The following GRIN2B variants were observed in gnomAD, a reference collection of about 807,000 sequenced individuals.
GRIN2B encodes glutamate receptor ionotropic, NMDA 2B.
A neutral mutation model predicts 114.5 loss-of-function variants in GRIN2B; 5 were observed. The ratio of observed to expected loss-of-function variants is 0.04; its 90% CI spans 0.02 to 0.09. GRIN2B has a LOEUF of 0.09. GRIN2B is among the 10% of genes least tolerant of loss of function. GRIN2B has a pLI of 1.00. For synonymous variants in GRIN2B, 787 were observed against 745.1 expected (o/e 1.06, Z -0.92); for missense variants, 1,108 against 1,943.5 (o/e 0.57, Z 8.08).
At chr12:13,931,180 T>C (rs1867024388) in intron 2 of GRIN2B, among the ~76,000 whole-genome samples, 1 of 152,192 alleles carries the variant, frequency 6.6e-6, no homozygotes, top group Admixed American at 6.5e-5. Flanking sequence ...CCCAGTGGCA[T>C]TTATTTCCTA....
intron 8 of GRIN2B, 102 bp from the exon 9 acceptor site, chr12:13,611,952 C>T (rs1353983422): frequency 8.4e-7 from 1 of 1,188,334 alleles, no homozygotes. Flanking sequence ...GGGGAACAAA[C>T]CACAATGTGT....
At chr12:13,942,000 G>A (rs1867264073) in intron 2 of GRIN2B, among the ~76,000 whole-genome samples, 1 of 152,214 alleles carries the variant, frequency 6.6e-6, no homozygotes, top group Non-Finnish European at 1.5e-5. Flanking sequence ...ACTTGTTCAA[G>A]TTTGTGTGCC....
intron 3 of GRIN2B, among the ~76,000 whole-genome samples, chr12:13,841,028 A>G (rs1287612187): frequency 6.6e-6 from 1 of 152,260 alleles, no homozygotes; most frequent in Non-Finnish European, 1.5e-5. Flanking sequence ...ATATTGGAGC[A>G]GCATGAGATT....
rs578162947 is a variant in GRIN2B, at chr12:13,590,868, A to G, written c.2010+17735T>C. ...AGTAGTCAGGTGGAATCATAGTTGA[A>G]GCTCACTCTTGAAGTCATTGTTTTC... On this transcript the variant is annotated intron_variant, in intron 10 of 13. Transcript: ENST00000609686. 4.6e-5 allele frequency among the ~76,000 whole-genome samples: 7 copies of G among 152,276 alleles called. No individual in the cohort carries two copies. The South Asian group carries it at 1.5e-3, about 32-fold the overall frequency.
chr12:13,818,820 G>T (rs1178789491), intron 3 of GRIN2B, among the ~76,000 whole-genome samples: 1 of 152,114 alleles, frequency 6.6e-6, no homozygotes, highest in Non-Finnish European at 1.5e-5. Flanking sequence ...GATGTTGACG[G>T]CCTTTTGTGG....
At chr12:13,741,321 C>T (rs942078764) in intron 4 of GRIN2B, among the ~76,000 whole-genome samples, 1 of 152,156 alleles carries the variant, frequency 6.6e-6, no homozygotes, top group Non-Finnish European at 1.5e-5. Flanking sequence ...TGAGCCACCG[C>T]GCCCAGACAG....
intron 2 of GRIN2B, among the ~76,000 whole-genome samples, chr12:13,927,995 T>G (rs1350356851): frequency 5.7e-5 from 4 of 70,688 alleles, no homozygotes; most frequent in African/African-American, 1.9e-4. Context: ...GGGGGTATGC[T>G]GTGGAAAGGA....
At chr12:13,970,683 C>G (rs186890477) in intron 2 of GRIN2B, among the ~76,000 whole-genome samples, 137 of 85,616 alleles carry the variant, frequency 1.6e-3, no homozygotes, top group Non-Finnish European at 1.7e-3. Context: ...CATGCAGGCT[C>G]TAAACACACA....
intron 2 of GRIN2B, among the ~76,000 whole-genome samples, chr12:13,906,157 T>C (rs1201445401): frequency 6.6e-6 from 1 of 152,236 alleles, no homozygotes; most frequent in Non-Finnish European, 1.5e-5. Flanking sequence ...GACATTTTAA[T>C]TTGTTTTTAG....
intron 10 of GRIN2B, among the ~76,000 whole-genome samples, chr12:13,588,421 G>GA (rs1452056892): frequency 2.6e-5 from 4 of 152,184 alleles, no homozygotes; most frequent in Non-Finnish European, 4.4e-5. Flanking sequence ...GTGACAGGAT[G>GA]AAAAAACCTG....
intron 10 of GRIN2B, among the ~76,000 whole-genome samples, chr12:13,587,600 T>C (rs1948947082): frequency 6.6e-6 from 1 of 152,090 alleles, no homozygotes; most frequent in African/African-American, 2.4e-5. Flanking sequence ...AGTGATCTTC[T>C]CACCTCAACC....
chr12:13,765,312 A>G (rs1204709016), intron 3 of GRIN2B, among the ~76,000 whole-genome samples: 4 of 152,182 alleles, frequency 2.6e-5, no homozygotes, highest in Non-Finnish European at 5.9e-5. Context: ...ATGAGGTGAA[A>G]CTAGATTATT....
intron 5 of GRIN2B, among the ~76,000 whole-genome samples, chr12:13,637,010 T>G (rs1400735035): frequency 6.6e-6 from 1 of 152,098 alleles, no homozygotes; most frequent in African/African-American, 2.4e-5. Context: ...ATCAAGAGTT[T>G]GTATTGGGAC....
chr12:13,816,032 T>C lies in GRIN2B; in HGVS notation c.411+49766A>G, dbSNP rs1291441812. Among the ~76,000 whole-genome samples the C allele has an allele frequency of 4.6e-5, 7 of 152,140 alleles. No homozygotes were observed. In the East Asian group the frequency reaches 1.4e-3, roughly 29 times the overall value. On this transcript the variant is annotated intron_variant, in intron 3 of 13. Transcript: ENST00000609686. ...CCACAAACCCACTGCTAGCAAGAGA[T>C]ATACTTGAGAGGCATTTGCAGAGTG...
At chr12:13,629,464 T>C (rs755259617) in intron 5 of GRIN2B, among the ~76,000 whole-genome samples, 1 of 152,190 alleles carries the variant, frequency 6.6e-6, no homozygotes, top group African/African-American at 2.4e-5. Flanking sequence ...ATGCTCCACT[T>C]GGCCCCCAGA....
chr12:13,852,931 ACCT>A (rs1373646887), intron 3 of GRIN2B, among the ~76,000 whole-genome samples: 1 of 152,022 alleles, frequency 6.6e-6, no homozygotes, highest in Non-Finnish European at 1.5e-5. Flanking sequence ...ACTCCGGAGC[ACCT>A]CCTCAGCCTC....
intron 10 of GRIN2B, among the ~76,000 whole-genome samples, chr12:13,580,635 A>T (rs1291769769): frequency 1.3e-5 from 2 of 152,194 alleles, no homozygotes; most frequent in East Asian, 3.8e-4. Context: ...AATTCTGAAG[A>T]CACCACATTT....
chr12:13,714,454 A>G (rs1377961687), intron 4 of GRIN2B, among the ~76,000 whole-genome samples: 1 of 151,884 alleles, frequency 6.6e-6, no homozygotes, highest in Admixed American at 6.6e-5. Flanking sequence ...GAAATACTGT[A>G]TTTTTATGCT....
At chr12:13,907,747 A>G (rs1866566880) in intron 2 of GRIN2B, among the ~76,000 whole-genome samples, 2 of 151,468 alleles carry the variant, frequency 1.3e-5, no homozygotes, top group Admixed American at 1.3e-4. Flanking sequence ...TGTATATTTG[A>G]GATGAGTGAA....
Sources: allele counts gnomAD v4.1 joint callset (sites outside exome capture counted in the v4.1 genomes callset), GRCh38; gene constraint gnomAD v4.1.1; transcripts MANE v1.5; gene names NCBI Gene and HGNC (gene_info 2026-07-23, HGNC 2026-07-21).